The following SLCO2A1 variants were observed in gnomAD, a reference collection of about 807,000 sequenced individuals.
The protein encoded by SLCO2A1 is matrin F/G 1.
In SLCO2A1, 60 loss-of-function variants were observed where a neutral mutation model predicts 71.7. That is an observed-to-expected ratio of 0.84 (90% CI 0.68 to 1.04). SLCO2A1 has a LOEUF of 1.04. SLCO2A1 is among the 50% of genes least tolerant of loss of function. SLCO2A1 has a pLI of 0.00. For missense variants in SLCO2A1, 745 were observed against 813.4 expected (o/e 0.92, Z 1.02); for synonymous variants, 308 against 326.7 (o/e 0.94, Z 0.62).
At chr3:134,005,441 T>C (rs1184593116) in intron 1 of SLCO2A1, among the ~76,000 whole-genome samples, 1 of 152,010 alleles carries the variant, frequency 6.6e-6, no homozygotes, top group Admixed American at 6.6e-5. Context: ...TGAGATGCTG[T>C]AGCTTTGAAA....
At chr3:133,959,028 C>T (rs540846356) in intron 3 of SLCO2A1, among the ~76,000 whole-genome samples, 87 of 152,302 alleles carry the variant, frequency 5.7e-4, no homozygotes, top group African/African-American at 2.0e-3. Flanking sequence ...TGCAAAGAAT[C>T]AGCCTCTGTT....
intron 1 of SLCO2A1, among the ~76,000 whole-genome samples, chr3:134,022,170 A>G (rs550579406): frequency 6.0e-4 from 92 of 152,218 alleles, no homozygotes; most frequent in African/African-American, 2.2e-3. Flanking sequence ...TTAAAGAAAG[A>G]AATATTTGTA....
At chr3:134,012,318 C>T (rs1439440721) in intron 1 of SLCO2A1, among the ~76,000 whole-genome samples, 1 of 152,154 alleles carries the variant, frequency 6.6e-6, no homozygotes, top group Non-Finnish European at 1.5e-5. Flanking sequence ...CTGCTAGCTT[C>T]AAGCTTCACT....
chr3:134,023,912 C>T (rs1640306058), intron 1 of SLCO2A1, among the ~76,000 whole-genome samples: 1 of 152,090 alleles, frequency 6.6e-6, no homozygotes, highest in Non-Finnish European at 1.5e-5. Context: ...TCATGCCAAG[C>T]TCTCTCTGCT....
At chr3:133,963,041 TAGTTTTCACAGGG>T in intron 3 of SLCO2A1, among the ~76,000 whole-genome samples, 1 of 152,336 alleles carries the variant, frequency 6.6e-6, no homozygotes, top group Non-Finnish European at 1.5e-5. Flanking sequence ...TTTGCCAGTC[TAGTTTTCACAGGG>T]CTGTGAAATG....
chr3:133,948,763 T>C, intron 7 of SLCO2A1, 63 bp from the exon 8 acceptor site: 1 of 1,599,422 alleles, frequency 6.3e-7, no homozygotes, highest in Non-Finnish European at 8.5e-7. Flanking sequence ...ACCTAGGGGA[T>C]GGGCCAGTTA....
At position 133,947,265 on chromosome 3, in the gene SLCO2A1, T is replaced by C. The variant is rs778401572; in HGVS notation, c.1286A>G (p.Tyr429Cys). The change falls in exon 9 of 14, where the codon TAC becomes TGC. Residue 429 changes from tyrosine to cysteine, a missense_variant. Coordinates refer to ENST00000310926, the MANE Select transcript of SLCO2A1 (RefSeq NM_005630.3). Reference sequence around the variant, plus strand: ...CCCTTATTCCCATTACCTAGGGGGGTAGACTTCGGCCACAGTTGGGGTGGA... The same window carrying C: ...CCCTTATTCCCATTACCTAGGGGGGCAGACTTCGGCCACAGTTGGGGTGGA... The part of the protein sequence containing the change: ...GCSTPTVAEV[Y>C]PPSTSSSIHP... The C allele has an allele frequency of 3.7e-6, 6 of 1,613,468 alleles. No homozygotes were observed. Among genetic ancestry groups the C allele is most frequent in the East Asian group, 4.5e-5 (2 of 44,752 alleles).
chr3:134,013,316 T>G (rs747141450), intron 1 of SLCO2A1, among the ~76,000 whole-genome samples: 65 of 152,212 alleles, frequency 4.3e-4, no homozygotes, highest in Non-Finnish European at 7.2e-4. Flanking sequence ...GAAGAATGAC[T>G]TATAAAACAG....
At chr3:134,021,975 CT>C (rs1935589391) in intron 1 of SLCO2A1, among the ~76,000 whole-genome samples, 1 of 117,452 alleles carries the variant, frequency 8.5e-6, no homozygotes, top group Admixed American at 9.8e-5. Flanking sequence ...GCTGCAACTG[CT>C]TTGCTAACAA....
intron 1 of SLCO2A1, among the ~76,000 whole-genome samples, chr3:134,014,662 G>C (rs545265560): frequency 6.6e-6 from 1 of 152,178 alleles, no homozygotes; most frequent in African/African-American, 2.4e-5. Flanking sequence ...GAATCTGAGA[G>C]TCTGAAAGGA....
chr3:133,939,633 C>T (rs937351206), intron 11 of SLCO2A1, among the ~76,000 whole-genome samples: 1 of 152,208 alleles, frequency 6.6e-6, no homozygotes, highest in Non-Finnish European at 1.5e-5. Flanking sequence ...GGGACCCCCA[C>T]AATGCAAAGT....
chr3:134,026,248 T>C (rs969678573), intron 1 of SLCO2A1, among the ~76,000 whole-genome samples: 1 of 152,042 alleles, frequency 6.6e-6, no homozygotes, highest in African/African-American at 2.4e-5. Context: ...TTGGTGGAGT[T>C]CTAATCACAC....
At chr3:133,935,443 G>T (rs1933244896) in intron 13 of SLCO2A1, among the ~76,000 whole-genome samples, 1 of 152,172 alleles carries the variant, frequency 6.6e-6, no homozygotes, top group Non-Finnish European at 1.5e-5. Flanking sequence ...TTTTTCCACA[G>T]CCATGGCCTC....
chr3:133,938,545 C>T (rs777687934), intron 11 of SLCO2A1, 52 bp from the exon 12 acceptor site: 3 of 1,571,812 alleles, frequency 1.9e-6, no homozygotes, highest in African/African-American at 1.3e-5. Context: ...GCTGCACGAT[C>T]CCTTGGGTAA....
chr3:133,984,710 T>C lies in SLCO2A1; in HGVS notation c.97-5092A>G, dbSNP rs76886232. On this transcript the variant is annotated intron_variant, in intron 1 of 13. Coordinates refer to ENST00000310926, the MANE Select transcript of SLCO2A1 (RefSeq NM_005630.3). ...AGGAGGACACAGGTTCAAGAGTACA[T>C]GGAGATGTATTGGTGGGAGGAAAAG... Among the ~76,000 whole-genome samples the C allele has an allele frequency of 4.4e-3, 670 of 152,208 alleles. 4 individuals are homozygous for C. The highest frequency in any genetic ancestry group is 0.034 in the Middle Eastern group (10 of 294).
intron 13 of SLCO2A1, 107 bp downstream of exon 13, chr3:133,935,667 C>G: frequency 7.4e-7 from 1 of 1,343,930 alleles, no homozygotes. Flanking sequence ...TTCATGTTCT[C>G]TTCCTTGGAA....
intron 1 of SLCO2A1, among the ~76,000 whole-genome samples, chr3:134,005,092 G>A (rs1935179417): frequency 4.6e-5 from 7 of 152,228 alleles, no homozygotes; most frequent in Admixed American, 2.6e-4. Flanking sequence ...GGTAGGGCGA[G>A]CCCAGCTGGC....
At chr3:134,018,714 G>A (rs760029429) in intron 1 of SLCO2A1, among the ~76,000 whole-genome samples, 1 of 152,148 alleles carries the variant, frequency 6.6e-6, no homozygotes, top group Non-Finnish European at 1.5e-5. Flanking sequence ...AGGAGAAACA[G>A]AACTTCCTGA....
intron 1 of SLCO2A1, among the ~76,000 whole-genome samples, chr3:134,025,765 T>C (rs1935689746): frequency 6.6e-6 from 1 of 152,140 alleles, no homozygotes. Context: ...ACCAATCCCC[T>C]TGATCCTCGC....
Sources: allele counts gnomAD v4.1 joint callset (sites outside exome capture counted in the v4.1 genomes callset), GRCh38; gene constraint gnomAD v4.1.1; transcripts MANE v1.5; gene names NCBI Gene and HGNC (gene_info 2026-07-23, HGNC 2026-07-21).